The following METTL13 variants were observed in gnomAD, a reference collection of about 807,000 sequenced individuals.
METTL13 encodes the protein eEF1A lysine and N-terminal methyltransferase.
Under a neutral mutation model 67.4 loss-of-function variants are expected in METTL13, and 52 were observed. The observed-to-expected ratio is 0.77, with a 90% confidence interval of 0.62 to 0.97. The LOEUF is 0.97. METTL13 is among the 50% of genes least tolerant of loss of function. METTL13 has a pLI of 0.00. For synonymous variants in METTL13, 354 were observed against 353.6 expected (o/e 1.00, Z -0.01); for missense variants, 825 against 889.6 (o/e 0.93, Z 0.92).
At chr1:171,782,773 A>C (rs1004985703) in intron 1 of METTL13, among the ~76,000 whole-genome samples, 2 of 152,186 alleles carry the variant, frequency 1.3e-5, no homozygotes, top group Admixed American at 6.5e-5. Flanking sequence ...CCCAAGTTTC[A>C]GGCACTGCTC....
rs769135584 is a variant in METTL13 at position 171,790,441 on chromosome 1, C to G, written c.1310-11C>G. The G allele has an allele frequency of 5.1e-6, 8 of 1,577,468 alleles. No individual in the cohort carries two copies. Among genetic ancestry groups the G allele is most frequent in the Non-Finnish European group, 8.6e-7 (1 of 1,165,212 alleles). On this transcript the variant is annotated splice_polypyrimidine_tract_variant and intron_variant, in intron 4 of 7. Transcript: ENST00000361735. ...GTGTACTAAGCATAGGGCTTCATAT[C>G]TCTTGTTTAGCCCAGAAGAAGCGGA...
At chr1:171,785,288 T>C (rs1221350544) in intron 2 of METTL13, among the ~76,000 whole-genome samples, 1 of 152,204 alleles carries the variant, frequency 6.6e-6, no homozygotes, top group Admixed American at 6.5e-5. Context: ...TTTATGGTCT[T>C]GGTGTTACGG....
intron 3 of METTL13, 105 bp from the exon 4 acceptor site, chr1:171,787,630 G>C (rs1401447772): frequency 1.9e-6 from 2 of 1,041,078 alleles, no homozygotes; most frequent in African/African-American, 3.2e-5. Context: ...TTGTTGTCTA[G>C]AACCGTGGTA....
chr1:171,789,314 C>T (rs994876648), intron 4 of METTL13, among the ~76,000 whole-genome samples: 4 of 152,168 alleles, frequency 2.6e-5, no homozygotes, highest in African/African-American at 4.8e-5. Context: ...CACAGCCATC[C>T]GTTTAGTATG....
intron 7 of METTL13, among the ~76,000 whole-genome samples, chr1:171,794,986 A>AT (rs1657321396): frequency 1.3e-5 from 2 of 151,998 alleles, no homozygotes; most frequent in South Asian, 2.1e-4. Flanking sequence ...TGCCTGGCTA[A>AT]TTTTTTTATT....
Position 171,782,038 on chromosome 1 carries a change from G to T in METTL13, c.71G>T (p.Arg24Leu). 6.2e-7 allele frequency: 1 copy of T among 1,614,106 alleles called. No individual in the cohort carries two copies. Among genetic ancestry groups the T allele is most frequent in the Non-Finnish European group, 8.5e-7 (1 of 1,180,034 alleles). Residue 24 changes from arginine to leucine, a missense_variant, in exon 1 of 8, where the codon CGA becomes CTA. Transcript: ENST00000361735. ...VDYWEKFFQQRGKKAFEWYGT... is the reference protein window; with the variant it reads ...VDYWEKFFQQLGKKAFEWYGT... ...TATTGGGAGAAGTTCTTCCAGCAGC[G>T]AGGAAAGAAAGCTTTCGAGTGGTAT...
intron 2 of METTL13, 62 bp downstream of exon 2, chr1:171,784,561 G>T: frequency 7.0e-7 from 1 of 1,421,404 alleles, no homozygotes; most frequent in Middle Eastern, 2.0e-4. Flanking sequence ...TGGGGCTTGG[G>T]CTGGGGCTGG....
chr1:171,781,748 G>C lies in METTL13; in HGVS notation c.-220G>C. On this transcript the variant is annotated 5_prime_UTR_variant, in exon 1 of 8. Transcript: ENST00000361735. ...GGGAAGGAACAGCAGGCGCGGAGGA[G>C]GGGGCAAGCGTGTGTGAGATTCAGT... 7.4e-7 allele frequency: 1 copy of C among 1,346,100 alleles called. No individual in the cohort carries two copies. The highest frequency in any genetic ancestry group is 9.6e-7 in the Non-Finnish European group (1 of 1,044,922). The allele number at this position is 1,346,100 out of a possible 1,614,324, so 83.4% of individuals were successfully genotyped here.
intron 5 of METTL13, 180 bp downstream of exon 5, chr1:171,790,796 C>G (rs1657180733): frequency 3.6e-6 from 2 of 560,218 alleles, no homozygotes; most frequent in Non-Finnish European, 5.6e-6. Context: ...CAAACTCAAC[C>G]TGTTATATTG....
chr1:171,781,866 C>G lies in METTL13; in HGVS notation c.-102C>G. 6.5e-7 allele frequency: 1 copy of G among 1,543,004 alleles called. No homozygotes were observed. The highest frequency in any genetic ancestry group is 8.7e-7 in the Non-Finnish European group (1 of 1,145,326). ...GGCTGTTTTTCCGTGGAAAGAATTCCCACTGCAGTGTCCCGGAGCCTGCGT... is the reference window on the plus strand; with the variant it reads ...GGCTGTTTTTCCGTGGAAAGAATTCGCACTGCAGTGTCCCGGAGCCTGCGT... On this transcript the variant is annotated 5_prime_UTR_variant, in exon 1 of 8. Coordinates refer to ENST00000361735, the MANE Select transcript of METTL13 (RefSeq NM_015935.5).
intron 7 of METTL13, among the ~76,000 whole-genome samples, chr1:171,796,248 A>G (rs1657371709): frequency 6.6e-6 from 1 of 152,208 alleles, no homozygotes. Flanking sequence ...ATAACATGTG[A>G]GCAGCACAGA....
chr1:171,797,477 T>C lies in METTL13; in HGVS notation c.*721T>C, dbSNP rs2029868468. On this transcript the variant is annotated 3_prime_UTR_variant, in exon 8 of 8. Transcript: ENST00000361735. ...TTGCTCACATTTGCTGAGTGACAGC[T>C]ATGTGCCAGACTGCATAAAGGGTGG... is the stretch of plus-strand genomic sequence containing the variant. The C allele has an allele frequency of 6.6e-6, 1 of 152,324 alleles. No individual in the cohort carries two copies. The highest frequency in any genetic ancestry group is 6.5e-5 in the Admixed American group (1 of 15,286). 9.4% of individuals were successfully genotyped at this position (152,324 alleles called of 1,614,324 possible). A position where few individuals can be genotyped will look rare whatever the true frequency, so the allele number is the denominator to read the frequency against.
intron 1 of METTL13, among the ~76,000 whole-genome samples, chr1:171,782,439 G>T (rs961169365): frequency 6.6e-6 from 1 of 151,412 alleles, no homozygotes; most frequent in African/African-American, 2.4e-5. Flanking sequence ...GTGGTGGCGC[G>T]CATCTGTATT....
In METTL13 at chr1:171,784,288, G is replaced by A. The variant is rs1333826568; in HGVS notation, c.702G>A (p.Val234=). Residue 234 remains valine (V), a synonymous_variant, in exon 2 of 8, where the codon GTG becomes GTA. Transcript: ENST00000361735. ...ELCAQEQRKP[V]RLESAERLAE... ...GTGCTCAGGAGCAGCGCAAGCCTGT[G>A]CGGCTGGAGAGTGCCGAGCGGCTGG... The A allele has an allele frequency of 1.9e-6, 3 of 1,612,568 alleles. No individual in the cohort carries two copies. The highest frequency in any genetic ancestry group is 1.7e-6 in the Non-Finnish European group (2 of 1,179,092).
chr1:171,783,793 G>A lies in METTL13; in HGVS notation c.207G>A (p.Val69=), dbSNP rs1331324940. ...NSELSEQLYD[V]GYRDIVNIDI... Reference sequence around the variant, plus strand: ...AACTGAGTGAGCAACTGTATGATGTGGGCTATCGGGATATAGTGAACATCG... The same window carrying A: ...AACTGAGTGAGCAACTGTATGATGTAGGCTATCGGGATATAGTGAACATCG... Residue 69 remains valine, a synonymous_variant, in exon 2 of 8, where the codon GTG becomes GTA. Coordinates refer to ENST00000361735, the MANE Select transcript of METTL13 (RefSeq NM_015935.5). The A allele has an allele frequency of 6.2e-7, 1 of 1,613,874 alleles. No homozygotes were observed. Among genetic ancestry groups the A allele is most frequent in the Admixed American group, 1.7e-5 (1 of 60,002 alleles).
At position 171,792,097 on chromosome 1, in the gene METTL13, T is replaced by C. The variant is rs368816625; in HGVS notation, c.1555T>C (p.Cys519Arg). The stretch of plus-strand genomic sequence containing the variant: ...TGTCCACGATCATTTTCCAAAGTCC[T>C]GCATTGATGCTGTGGAGATCGATCC... ...LFVHDHFPKS[C>R]IDAVEIDPSM... Residue 519 changes from cysteine to arginine, a missense_variant, in exon 6 of 8, where the codon TGC (cysteine) becomes CGC (arginine). Physicochemically the swap from Cys to Arg is radical, Grantham distance 180. Transcript: ENST00000361735. 13 of 1,614,036 alleles carry C rather than the reference T, an allele frequency of 8.1e-6. No homozygotes were observed. The African/African-American group carries it at 1.2e-4, about 15-fold the overall frequency.
chr1:171,791,910 C>A (rs1657220054), intron 5 of METTL13, 107 bp from the exon 6 acceptor site: 14 of 1,103,496 alleles, frequency 1.3e-5, no homozygotes, highest in Non-Finnish European at 1.3e-5. Flanking sequence ...ATCTTGTATC[C>A]CCTGAATGGA....
intron 4 of METTL13, among the ~76,000 whole-genome samples, chr1:171,788,892 C>G (rs1657111484): frequency 6.6e-6 from 1 of 152,146 alleles, no homozygotes; most frequent in African/African-American, 2.4e-5. Context: ...AATTCAGATG[C>G]TTGAGGTCAT....
In METTL13 at chr1:171,790,415, A is replaced by G. The variant is rs569125772; in HGVS notation, c.1310-37A>G. ...CAGTAACCCTTGCTTCCTGAGGACTAGTGTACTAAGCATAGGGCTTCATAT... is the reference window on the plus strand; with the variant it reads ...CAGTAACCCTTGCTTCCTGAGGACTGGTGTACTAAGCATAGGGCTTCATAT... On this transcript the variant is annotated intron_variant, in intron 4 of 7. Transcript: ENST00000361735. The G allele has an allele frequency of 7.3e-6, 11 of 1,498,490 alleles. No individual in the cohort carries two copies. The Admixed American group carries it at 2.4e-4, about 32-fold the overall frequency. 92.8% of individuals were successfully genotyped at this position (1,498,490 alleles called of 1,614,324 possible).
Sources: allele counts gnomAD v4.1 joint callset (sites outside exome capture counted in the v4.1 genomes callset), GRCh38; gene constraint gnomAD v4.1.1; transcripts MANE v1.5; gene names NCBI Gene and HGNC (gene_info 2026-07-23, HGNC 2026-07-21).